The following SLC5A4 variants were observed in gnomAD, a reference collection of about 807,000 sequenced individuals.
SLC5A4 encodes the protein probable glucose sensor protein SLC5A4.
Under a neutral mutation model 70.3 loss-of-function variants are expected in SLC5A4, and 55 were observed. The ratio of observed to expected loss-of-function variants is 0.78; its 90% CI spans 0.63 to 0.98. The LOEUF (loss-of-function observed/expected upper bound fraction) is 0.98. Among genes scored for constraint, SLC5A4 ranks in the 50% least tolerant of loss-of-function variants. The pLI is 0.00. For missense variants in SLC5A4, 735 were observed against 839.2 expected (o/e 0.88, Z 1.53); for synonymous variants, 268 against 305.7 (o/e 0.88, Z 1.29).
the SLC5A4 span, among the ~76,000 whole-genome samples, chr22:32,292,269 C>CATACTAGATATTATATATAATAT: frequency 8.7e-6 from 1 of 114,354 alleles, no homozygotes; most frequent in African/African-American, 3.3e-5. Context: ...ATATATAATA[C>CATACTAGATATTATATATAATAT]ATACTAGATA....
intron 13 of SLC5A4, among the ~76,000 whole-genome samples, chr22:32,221,641 T>C (rs1925086722): frequency 6.6e-6 from 1 of 152,238 alleles, no homozygotes; most frequent in Non-Finnish European, 1.5e-5. Flanking sequence ...GATTTAAGCA[T>C]TTGAAAATAA....
At chr22:32,276,362 T>A in the SLC5A4 span, among the ~76,000 whole-genome samples, 1 of 152,206 alleles carries the variant, frequency 6.6e-6, no homozygotes, top group East Asian at 1.9e-4. Flanking sequence ...ATCTGCTGGT[T>A]TGGTCTCTGT....
In SLC5A4 at chr22:32,239,541, TA is replaced by T. The variant is rs1416590280; in HGVS notation, c.478-452del. Among the ~76,000 whole-genome samples, 26 of 11,198 alleles carry T rather than the reference TA, an allele frequency of 2.3e-3. 4 individuals are homozygous for T. The East Asian group carries it at 0.025, about 11-fold the overall frequency. 7.3% of individuals were successfully genotyped at this position (11,198 alleles called of 152,430 possible). Reference sequence around the variant, plus strand: ...TATTATATATATATATATATATATATATATATATATATATATATATATATAT... The same window carrying T: ...TATTATATATATATATATATATATATTATATATATATATATATATATATAT... On this transcript the variant is annotated intron_variant, in intron 5 of 14. Coordinates refer to ENST00000266086, the MANE Select transcript of SLC5A4 (RefSeq NM_014227.3).
At position 32,251,789 on chromosome 22, in the gene SLC5A4, G is replaced by C; in HGVS notation, c.293C>G (p.Thr98Ser). 1 of 1,611,016 alleles carries C rather than the reference G, an allele frequency of 6.2e-7. No individual in the cohort carries two copies. The highest frequency in any genetic ancestry group is 1.3e-5 in the African/African-American group (1 of 74,970). The stretch of plus-strand genomic sequence containing the variant: ...ACTTACAGTCCATTCAAATGTTACG[G>C]TGGCGACTCCTGAAGCTGCTCCTGT... ...AGTGAASGVA[T>S]VTFEWTSSVM... Residue 98 changes from threonine to serine, a missense_variant, in exon 3 of 15, where the codon ACC (threonine) becomes AGC (serine). By Grantham distance (58) the Thr-to-Ser change is moderately conservative. Coordinates refer to ENST00000266086, the MANE Select transcript of SLC5A4 (RefSeq NM_014227.3).
At chr22:32,329,388 C>A in the SLC5A4 span, among the ~76,000 whole-genome samples, 2 of 152,270 alleles carry the variant, frequency 1.3e-5, no homozygotes, top group South Asian at 4.1e-4. Context: ...TCTATTGAGT[C>A]GGGAGAAAAC....
At chr22:32,221,046 G>A (rs780126837) in intron 13 of SLC5A4, 24 bp from the exon 14 acceptor site, 7 of 1,461,480 alleles carry the variant, frequency 4.8e-6, no homozygotes, top group Non-Finnish European at 6.7e-6. Flanking sequence ...ATACAAAAGT[G>A]CATTAGTAAT....
chr22:32,259,353 T>G (rs1293522283), upstream of SLC5A4, among the ~76,000 whole-genome samples: 2 of 152,248 alleles, frequency 1.3e-5, no homozygotes, highest in Non-Finnish European at 2.9e-5. Context: ...CTATTAGCTA[T>G]AGGGTTTTCA....
the SLC5A4 span, among the ~76,000 whole-genome samples, chr22:32,278,714 A>G: frequency 2.1e-3 from 316 of 152,352 alleles, 4 homozygotes; most frequent in African/African-American, 7.2e-3. Context: ...ACAAAAAATA[A>G]AAGTCCTCGA....
At chr22:32,344,508 T>G in the SLC5A4 span, among the ~76,000 whole-genome samples, 33 of 152,192 alleles carry the variant, frequency 2.2e-4, no homozygotes, top group Non-Finnish European at 3.8e-4. Flanking sequence ...TAACTGTCTC[T>G]TATGCGATAT....
the SLC5A4 span, among the ~76,000 whole-genome samples, chr22:32,314,292 TTTA>T: frequency 2.6e-5 from 4 of 152,272 alleles, no homozygotes; most frequent in East Asian, 5.8e-4. Flanking sequence ...ACTTGAATAA[TTTA>T]TTGTTTGTCT....
intron 1 of SLC5A4, among the ~76,000 whole-genome samples, chr22:32,254,868 T>C (rs1927383162): frequency 6.7e-6 from 1 of 150,322 alleles, no homozygotes; most frequent in Admixed American, 6.6e-5. Context: ...AAATGAAGAG[T>C]CCAACTCACT....
chr22:32,292,900 G>T, the SLC5A4 span, among the ~76,000 whole-genome samples: 63 of 152,188 alleles, frequency 4.1e-4, no homozygotes, highest in African/African-American at 1.4e-3. Context: ...TTGTGATTTT[G>T]TCTACTTCTT....
intron 5 of SLC5A4, among the ~76,000 whole-genome samples, chr22:32,240,418 C>T (rs960056401): frequency 4.0e-5 from 6 of 149,246 alleles, no homozygotes; most frequent in African/African-American, 2.5e-5. Context: ...CAATTTCCTG[C>T]TAGTTATTAT....
At chr22:32,311,839 T>TG in the SLC5A4 span, among the ~76,000 whole-genome samples, 2 of 152,134 alleles carry the variant, frequency 1.3e-5, no homozygotes, top group African/African-American at 4.8e-5. Context: ...ATCAAGGAGA[T>TG]GCTCCTGGCA....
At chr22:32,270,317 C>A in the SLC5A4 span, 1 of 956,226 alleles carries the variant, frequency 1.0e-6, no homozygotes, top group Non-Finnish European at 1.7e-6. Flanking sequence ...GTGGTTTGCT[C>A]CAGCCACAGG....
chr22:32,269,459 AAG>A, the SLC5A4 span: 2 of 518,910 alleles, frequency 3.9e-6, no homozygotes, highest in Admixed American at 2.4e-5. This position sits in a 1 kb window ranked among gnomAD's most constrained non-coding sequence, Gnocchi z 4.1. Context: ...CGGCTACTAC[AAG>A]CCCATCCTGT....
the SLC5A4 span, chr22:32,277,008 A>G: frequency 1.3e-5 from 2 of 152,188 alleles, no homozygotes; most frequent in Admixed American, 1.3e-4. Flanking sequence ...GATGATTTAA[A>G]ATACTTATTC....
chr22:32,259,740 G>T (rs1316508272), upstream of SLC5A4, among the ~76,000 whole-genome samples: 1 of 152,122 alleles, frequency 6.6e-6, no homozygotes. Flanking sequence ...CTCCTCTTCA[G>T]TTTTTTTGGA....
intron 14 of SLC5A4, among the ~76,000 whole-genome samples, chr22:32,220,032 AAC>A (rs3069413): frequency 0.56 from 83,457 of 149,530 alleles, 24,145 homozygotes; most frequent in East Asian, 0.81. Context: ...TAAGATGTGC[AAC>A]ACACACACAC....
Sources: gnomAD v4.1 joint callset for allele counts (sites outside exome capture counted in the v4.1 genomes callset) on GRCh38, gnomAD v4.1.1 for gene constraint, Gnocchi (gnomAD v3.1) non-coding constraint, MANE v1.5 for transcripts, NCBI Gene and HGNC (gene_info 2026-07-23, HGNC 2026-07-21) for gene names.